Variants in PPM1B observed in about 807,000 individuals in gnomAD.
The protein encoded by PPM1B is protein phosphatase, Mg2+/Mn2+ dependent 1B.
PPM1B carries 22 observed loss-of-function variants against 43.0 expected under a neutral mutation model. That is an observed-to-expected ratio of 0.51 (90% CI 0.37 to 0.73). PPM1B has a LOEUF of 0.73. PPM1B is among the 30% of genes least tolerant of loss of function. The pLI, the probability that PPM1B is intolerant of heterozygous loss-of-function variation, is 0.00. For synonymous variants in PPM1B, 217 were observed against 197.9 expected, an observed-to-expected ratio of 1.10 and a Z score of -0.81; for missense variants, 632 against 584.2, an observed-to-expected ratio of 1.08 and a Z score of -0.84.
chr2:44,242,043 A>G (rs1236210113), intron 5 of PPM1B, among the ~76,000 whole-genome samples: 1 of 151,574 alleles, frequency 6.6e-6, no homozygotes, highest in East Asian at 2.0e-4. Context: ...TATTTTTAGT[A>G]GAGACGGGGT....
chr2:44,189,401 T>G (rs1226213523), intron 1 of PPM1B, among the ~76,000 whole-genome samples: 1 of 152,224 alleles, frequency 6.6e-6, no homozygotes, highest in Non-Finnish European at 1.5e-5. Flanking sequence ...CTATGAGTTC[T>G]CAAACTGTCT....
rs141239477 is a variant in PPM1B at position 44,217,620 on chromosome 2, G to A, written c.965-347G>A. Among the ~76,000 whole-genome samples the A allele has an allele frequency of 4.1e-3, 622 of 152,062 alleles. 3 individuals carry two copies. Among genetic ancestry groups the A allele is most frequent in the African/African-American group, 0.014 (588 of 41,506 alleles). ...CTGTATTCATCAAGACACCTATTTC[G>A]TAATTTTTAGTGATTATAAACCATT... On this transcript the variant is annotated intron_variant, in intron 3 of 5. Coordinates refer to ENST00000282412, the MANE Select transcript of PPM1B (RefSeq NM_002706.6).
intron 1 of PPM1B, among the ~76,000 whole-genome samples, chr2:44,195,554 C>G (rs375345274): frequency 3.7e-4 from 56 of 152,206 alleles, no homozygotes; most frequent in African/African-American, 1.3e-3. Context: ...TGTGGTGGCT[C>G]ACACCTGTAA....
At chr2:44,244,896 A>G (rs1288650240), downstream of PPM1B, among the ~76,000 whole-genome samples, 2 of 150,608 alleles carry the variant, frequency 1.3e-5, no homozygotes, top group Non-Finnish European at 3.0e-5. Flanking sequence ...ATATATACAT[A>G]TACACATGTA....
chr2:44,228,319 T>A (rs1369321579), intron 5 of PPM1B, among the ~76,000 whole-genome samples: 1 of 151,600 alleles, frequency 6.6e-6, no homozygotes, highest in Non-Finnish European at 1.5e-5. Flanking sequence ...CCCCAAGTAG[T>A]TGGGACTATG....
chr2:44,223,848 A>G (rs1417487359), intron 5 of PPM1B, among the ~76,000 whole-genome samples: 3 of 132,856 alleles, frequency 2.3e-5, no homozygotes, highest in Non-Finnish European at 4.7e-5. Context: ...AAAAAAAGAG[A>G]GAGAGAGAGA....
intron 1 of PPM1B, among the ~76,000 whole-genome samples, chr2:44,178,245 T>C (rs1355327976): frequency 1.3e-5 from 2 of 151,976 alleles, no homozygotes; most frequent in Non-Finnish European, 2.9e-5. Flanking sequence ...TAGTCTTTTT[T>C]GGAAGGACAT....
rs749592404 is a variant in PPM1B, at chr2:44,218,878, C to G, written c.1134+341C>G. On this transcript the variant is annotated intron_variant, in intron 5 of 5. Transcript: ENST00000282412. Reference sequence around the variant, plus strand: ...TGCTCTTTTAAATATCTCAATTTCTCCTCCAGCAGGCTGCTGCCATCACCA... The same window carrying G: ...TGCTCTTTTAAATATCTCAATTTCTGCTCCAGCAGGCTGCTGCCATCACCA... 1.5e-5 allele frequency: 7 copies of G among 465,558 alleles called. No individual in the cohort carries two copies. The Admixed American group carries it at 1.6e-4, about 11-fold the overall frequency. 28.8% of individuals were successfully genotyped at this position (465,558 alleles called of 1,614,324 possible). A position where few individuals can be genotyped will look rare whatever the true frequency, so the allele number is the denominator to read the frequency against.
intron 5 of PPM1B, among the ~76,000 whole-genome samples, chr2:44,224,929 AC>A (rs1670145464): frequency 6.6e-6 from 1 of 152,200 alleles, no homozygotes; most frequent in Non-Finnish European, 1.5e-5. Context: ...TAAGAGTCTT[AC>A]CTGTATGAGG....
chr2:44,245,649 T>A (rs1325646833), downstream of PPM1B, among the ~76,000 whole-genome samples: 1 of 152,216 alleles, frequency 6.6e-6, no homozygotes, highest in East Asian at 1.9e-4. Context: ...ACCTTTGTTA[T>A]AGATTAACTT....
chr2:44,230,235 A>G (rs1261556676), intron 5 of PPM1B, 178 bp from the exon 6 acceptor site: 1 of 1,417,344 alleles, frequency 7.1e-7, no homozygotes, highest in African/African-American at 1.4e-5. Context: ...ACTTGAGATT[A>G]TTATTGGAAG....
At chr2:44,233,753 A>G, downstream of PPM1B, 1 of 985,770 alleles carries the variant, frequency 1.0e-6, no homozygotes, top group South Asian at 4.7e-5. Flanking sequence ...TGATCATTTG[A>G]TTTATTGTGC....
rs184523109 is a variant in PPM1B, at chr2:44,212,449, A to G, written c.964+3122A>G. On this transcript the variant is annotated intron_variant, in intron 3 of 5. Transcript: ENST00000282412. ...GGCATGAATATCCCATTCTGGATCA[A>G]TTTGTGGCCACTATTTCCCCCTCCA... Among the ~76,000 whole-genome samples the G allele has an allele frequency of 3.0e-4, 46 of 152,200 alleles. 1 individual carries two copies. Among genetic ancestry groups the G allele is most frequent in the African/African-American group, 1.0e-3 (42 of 41,530 alleles).
At chr2:44,234,355 C>T, downstream of PPM1B, 1 of 548,698 alleles carries the variant, frequency 1.8e-6, no homozygotes, top group Non-Finnish European at 2.3e-6. Flanking sequence ...CCTGCCTCTA[C>T]TAAAAATACA....
intron 5 of PPM1B, among the ~76,000 whole-genome samples, chr2:44,221,919 A>C (rs1321361115): frequency 6.6e-6 from 1 of 152,140 alleles, no homozygotes. Context: ...GTTCCATACT[A>C]AACTAACTTT....
At chr2:44,213,329 T>C (rs1018941762) in intron 3 of PPM1B, among the ~76,000 whole-genome samples, 14 of 151,812 alleles carry the variant, frequency 9.2e-5, no homozygotes, top group Non-Finnish European at 1.8e-4. Context: ...CTAACACTTT[T>C]ATGTTTTGAT....
At chr2:44,228,949 G>A (rs1384961472) in intron 5 of PPM1B, among the ~76,000 whole-genome samples, 4 of 152,078 alleles carry the variant, frequency 2.6e-5, no homozygotes, top group Non-Finnish European at 4.4e-5. Flanking sequence ...TTGGGAGGCC[G>A]ATGCAGGCAG....
intron 1 of PPM1B, among the ~76,000 whole-genome samples, chr2:44,170,105 A>G (rs894329562): frequency 2.0e-5 from 3 of 152,202 alleles, no homozygotes; most frequent in Admixed American, 1.3e-4. Context: ...TTATTTCTTC[A>G]TTTTTTAAAC....
downstream of PPM1B, among the ~76,000 whole-genome samples, chr2:44,236,878 A>G (rs1449622481): frequency 1.3e-5 from 2 of 152,198 alleles, no homozygotes; most frequent in African/African-American, 4.8e-5. Context: ...TTAAGGGAAA[A>G]CGTGATAAGA....
Sources: allele counts gnomAD v4.1 joint callset (sites outside exome capture counted in the v4.1 genomes callset), GRCh38; gene constraint gnomAD v4.1.1; transcripts MANE v1.5; gene names NCBI Gene and HGNC (gene_info 2026-07-23, HGNC 2026-07-21).